Variants in NUAK1 observed in about 807,000 individuals in gnomAD.
NUAK1 encodes the protein NUAK family kinase 1, also known as NUAK family SNF1-like kinase 1.
A neutral mutation model predicts 56.9 loss-of-function variants in NUAK1; 26 were observed. The observed-to-expected ratio is 0.46, with a 90% confidence interval of 0.33 to 0.63. The LOEUF (loss-of-function observed/expected upper bound fraction) is 0.63. Ranked by LOEUF, NUAK1 falls within the 30% of genes least tolerant of loss-of-function variation. The pLI is 0.02. For missense variants in NUAK1, 727 were observed against 876.1 expected, an observed-to-expected ratio of 0.83 and a Z score of 2.15; for synonymous variants, 337 against 336.0, an observed-to-expected ratio of 1.00 and a Z score of -0.03.
rs773930755 is a variant in NUAK1, at chr12:106,067,540, G to A, written c.1248C>T (p.Phe416=). The A allele has an allele frequency of 2.5e-6, 4 of 1,614,096 alleles. No individual in the cohort carries two copies. Among genetic ancestry groups the A allele is most frequent in the Admixed American group, 3.3e-5 (2 of 60,008 alleles). ...AGGCAGGACCAACTACACCTTCAAT[G>A]AAGCCAGTGCTGTGAGAGCGATGCT... The part of the protein sequence containing the change: ...NSEHRSHSTG[F]IEGVVGPALP... The change falls in exon 7 of 7, where the codon TTC becomes TTT. Residue 416 remains phenylalanine (F), a synonymous_variant. Transcript: ENST00000261402. The surrounding 1 kb of genome is among the most constrained non-coding windows in gnomAD (Gnocchi z 6.0).
intron 6 of NUAK1, among the ~76,000 whole-genome samples, chr12:106,068,923 C>T (rs1182118854): frequency 6.6e-6 from 1 of 152,206 alleles, no homozygotes. Context: ...TGATCATCCT[C>T]AGTCATTCAA....
At chr12:106,081,856 G>A (rs2032520935) in intron 4 of NUAK1, among the ~76,000 whole-genome samples, 1 of 152,174 alleles carries the variant, frequency 6.6e-6, no homozygotes, top group African/African-American at 2.4e-5. Context: ...TGAGAGCTCT[G>A]GGGGCAGGTG....
intron 4 of NUAK1, among the ~76,000 whole-genome samples, chr12:106,073,255 A>G (rs147619760): frequency 5.9e-5 from 9 of 152,306 alleles, no homozygotes; most frequent in East Asian, 1.9e-4. Context: ...GGTCTACCCA[A>G]TTATGCTGCA....
chr12:106,083,427 T>C (rs185218603), intron 4 of NUAK1, among the ~76,000 whole-genome samples: 1 of 152,236 alleles, frequency 6.6e-6, no homozygotes, highest in Non-Finnish European at 1.5e-5. Flanking sequence ...ACTTAGTTTT[T>C]CTGTGCCTCA....
At chr12:106,106,953 G>A (rs574875211) in intron 1 of NUAK1, among the ~76,000 whole-genome samples, 6 of 152,200 alleles carry the variant, frequency 3.9e-5, no homozygotes, top group Admixed American at 3.9e-4. Context: ...TGCCACAGCA[G>A]TGGCTATAAA....
intron 2 of NUAK1, among the ~76,000 whole-genome samples, chr12:106,089,923 G>A (rs1393049673): frequency 6.6e-6 from 1 of 152,154 alleles, no homozygotes; most frequent in Admixed American, 6.5e-5. Context: ...TCAAGAAATA[G>A]TTCCAAATGC....
At chr12:106,107,889 C>G (rs966709935) in intron 1 of NUAK1, among the ~76,000 whole-genome samples, 1 of 152,196 alleles carries the variant, frequency 6.6e-6, no homozygotes, top group African/African-American at 2.4e-5. Context: ...TGGGATTTCT[C>G]CTTTGCAGTC....
chr12:106,089,603 C>G (rs2032614621), intron 2 of NUAK1, among the ~76,000 whole-genome samples: 3 of 152,276 alleles, frequency 2.0e-5, no homozygotes, highest in East Asian at 1.9e-4. Context: ...GACTGGCCAA[C>G]ATGGTGAAAC....
chr12:106,109,997 A>G (rs972176845), intron 1 of NUAK1, among the ~76,000 whole-genome samples: 27 of 152,298 alleles, frequency 1.8e-4, no homozygotes, highest in African/African-American at 6.3e-4. Context: ...ACATGTTTTC[A>G]TAGTACATAA....
intron 2 of NUAK1, among the ~76,000 whole-genome samples, chr12:106,089,230 A>T (rs1382554055): frequency 6.6e-6 from 1 of 152,246 alleles, no homozygotes; most frequent in Non-Finnish European, 1.5e-5. Context: ...TTGACAGGTA[A>T]ATAAACAAGA....
chr12:106,094,912 T>C (rs78388253), intron 2 of NUAK1, among the ~76,000 whole-genome samples: 4,407 of 152,204 alleles, frequency 0.029, 177 homozygotes, highest in African/African-American at 0.097. Context: ...AGAGAAGTTG[T>C]GTGGGAGAGG....
intron 6 of NUAK1, among the ~76,000 whole-genome samples, chr12:106,070,108 C>G (rs1368708458): frequency 1.3e-5 from 2 of 152,250 alleles, no homozygotes; most frequent in East Asian, 3.9e-4. Flanking sequence ...TTCTTAGAAC[C>G]CCAAGCTGCC....
chr12:106,071,008 C>A, intron 5 of NUAK1, 102 bp from the exon 6 acceptor site: 2 of 1,224,806 alleles, frequency 1.6e-6, no homozygotes, highest in South Asian at 1.4e-5. Context: ...CCCCCAGCAG[C>A]CCCAGGAACT....
At chr12:106,099,205 C>A (rs1007426525) in intron 2 of NUAK1, among the ~76,000 whole-genome samples, 1 of 152,164 alleles carries the variant, frequency 6.6e-6, no homozygotes. Flanking sequence ...AAGAAAGACA[C>A]ATTTGAAAGG....
At position 106,075,336 on chromosome 12, in the gene NUAK1, G is replaced by A. The variant is rs975555816; in HGVS notation, c.580-2493C>T. On this transcript the variant is annotated intron_variant, in intron 4 of 6. Transcript: ENST00000261402. ...ACACACACAGAGAGAGAGAGAGAGC[G>A]TTCTCAGATCTTGAGCCATTCAAAC... 1.2e-4 allele frequency among the ~76,000 whole-genome samples: 18 copies of A among 150,272 alleles called. No individual in the cohort carries two copies. The South Asian group carries it at 1.5e-3, about 12-fold the overall frequency.
At chr12:106,106,338 T>C in intron 2 of NUAK1, 67 bp downstream of exon 2, 1 of 1,435,158 alleles carries the variant, frequency 7.0e-7, no homozygotes, top group Non-Finnish European at 9.4e-7. Context: ...TCTCAAAGTC[T>C]TGGCAGGCCC....
chr12:106,069,889 C>G (rs2032386412), intron 6 of NUAK1, among the ~76,000 whole-genome samples: 1 of 152,116 alleles, frequency 6.6e-6, no homozygotes, highest in Non-Finnish European at 1.5e-5. Flanking sequence ...GCCAGCTGTA[C>G]ACACTCTCTA....
intron 4 of NUAK1, among the ~76,000 whole-genome samples, chr12:106,081,461 T>G (rs962552763): frequency 3.0e-4 from 45 of 152,210 alleles, no homozygotes; most frequent in African/African-American, 1.1e-3. Context: ...ATGCCAGGAT[T>G]AGAAATTCTT....
At chr12:106,122,795 G>A (rs2032991368) in intron 1 of NUAK1, among the ~76,000 whole-genome samples, 1 of 152,154 alleles carries the variant, frequency 6.6e-6, no homozygotes, top group African/African-American at 2.4e-5. Context: ...CAACCCTGTT[G>A]AATCAGAATC....
Sources: gnomAD v4.1 joint callset for allele counts (sites outside exome capture counted in the v4.1 genomes callset) on GRCh38, gnomAD v4.1.1 for gene constraint, Gnocchi (gnomAD v3.1) non-coding constraint, MANE v1.5 for transcripts, NCBI Gene and HGNC (gene_info 2026-07-23, HGNC 2026-07-21) for gene names.